TGFBR3: variants seen among roughly 807,000 people sequenced by gnomAD.
TGFBR3 encodes the protein transforming growth factor beta receptor 3.
A neutral mutation model predicts 87.9 loss-of-function variants in TGFBR3; 46 were observed. The ratio of observed to expected loss-of-function variants is 0.52; its 90% CI spans 0.41 to 0.67. The LOEUF is 0.67. Ranked by LOEUF, TGFBR3 falls within the 30% of genes least tolerant of loss-of-function variation. TGFBR3 has a pLI of 0.00. For missense variants in TGFBR3, 866 were observed against 1,041.9 expected, an observed-to-expected ratio of 0.83 and a Z score of 2.32; for synonymous variants, 381 against 391.6, an observed-to-expected ratio of 0.97 and a Z score of 0.32.
At chr1:91,778,033 T>G (rs1674627284) in intron 3 of TGFBR3, among the ~76,000 whole-genome samples, 1 of 152,164 alleles carries the variant, frequency 6.6e-6, no homozygotes, top group South Asian at 2.1e-4. Context: ...GTAGAGCTCT[T>G]TGGAAAATCA....
chr1:91,787,943 G>GGAAAAAAAAAAAAAAAAAT (rs945269870), intron 3 of TGFBR3, among the ~76,000 whole-genome samples: 1 of 133,314 alleles, frequency 7.5e-6, no homozygotes, highest in African/African-American at 3.1e-5. Context: ...GTCTCACGGG[G>GGAAAAAAAAAAAAAAAAAT]AAAAAAAAAA....
At chr1:91,683,919 G>C in intron 16 of TGFBR3, 62 bp from the exon 17 acceptor site, 3 of 1,429,542 alleles carry the variant, frequency 2.1e-6, no homozygotes, top group Non-Finnish European at 2.9e-6. Context: ...GTGCATTCCT[G>C]AAAAGATCAT....
At chr1:91,755,482 C>G (rs1673708631) in intron 4 of TGFBR3, among the ~76,000 whole-genome samples, 1 of 152,162 alleles carries the variant, frequency 6.6e-6, no homozygotes, top group Non-Finnish European at 1.5e-5. Context: ...GCCTGCTGGA[C>G]AACAAAGCAG....
intron 2 of TGFBR3, among the ~76,000 whole-genome samples, chr1:91,835,827 CAAAAAAAAAAAA>C (rs57326419): frequency 3.1e-4 from 23 of 74,774 alleles, no homozygotes; most frequent in South Asian, 1.9e-3. Context: ...GACTCCACCT[CAAAAAAAAAAAA>C]AAAAAAAAAA....
At chr1:91,852,066 T>C (rs765846103) in intron 2 of TGFBR3, among the ~76,000 whole-genome samples, 1 of 152,116 alleles carries the variant, frequency 6.6e-6, no homozygotes, top group Non-Finnish European at 1.5e-5. Flanking sequence ...TTGGAAAACA[T>C]GGCGAAACCT....
In TGFBR3 at chr1:91,687,211, TAGGAGGCTG is replaced by T. The variant is rs1298522669; in HGVS notation, c.2438-3363_2438-3355del. Among the ~76,000 whole-genome samples, 9 of 152,016 alleles carry T rather than the reference TAGGAGGCTG, an allele frequency of 5.9e-5. No homozygotes were observed. The East Asian group carries it at 1.7e-3, about 29-fold the overall frequency. On this transcript the variant is annotated intron_variant, in intron 16 of 16. Coordinates refer to ENST00000212355, the MANE Select transcript of TGFBR3 (RefSeq NM_003243.5). ...GGTGCAGTCACTTACAGTGCCAGCT[TAGGAGGCTG>T]AAGGGGGAGGATCTCCTGAGGCCAG...
intron 4 of TGFBR3, among the ~76,000 whole-genome samples, chr1:91,756,695 A>G (rs1177679488): frequency 1.3e-5 from 2 of 152,230 alleles, no homozygotes; most frequent in Admixed American, 1.3e-4. Flanking sequence ...CAATAAAGTT[A>G]TTGTAATGCC....
At chr1:91,700,619 G>C (rs994726879) in intron 14 of TGFBR3, among the ~76,000 whole-genome samples, 1 of 152,110 alleles carries the variant, frequency 6.6e-6, no homozygotes, top group African/African-American at 2.4e-5. Flanking sequence ...CAATTACTAA[G>C]AAAATAAAAA....
At chr1:91,802,005 G>A (rs1675648486) in intron 2 of TGFBR3, among the ~76,000 whole-genome samples, 1 of 152,194 alleles carries the variant, frequency 6.6e-6, no homozygotes, top group Non-Finnish European at 1.5e-5. Context: ...AAACACCCAG[G>A]CTAAAGGACG....
At position 91,793,805 on chromosome 1, in the gene TGFBR3, CAA is replaced by C. The variant is rs57943201; in HGVS notation, c.246+3480_246+3481del. 1.9e-3 allele frequency among the ~76,000 whole-genome samples: 193 copies of C among 99,036 alleles called. No individual in the cohort carries two copies. The Middle Eastern group carries it at 0.021, about 11-fold the overall frequency. The allele number at this position is 99,036 out of a possible 152,430, so 65.0% of individuals were successfully genotyped here. On this transcript the variant is annotated intron_variant, in intron 3 of 16. Coordinates refer to ENST00000212355, the MANE Select transcript of TGFBR3 (RefSeq NM_003243.5). Reference sequence around the variant, plus strand: ...TGGGTGACACAGCAAGACTCTGTCTCAAAAAAAAAAAAAAAAAAAAAAAATTG... The same window carrying C: ...TGGGTGACACAGCAAGACTCTGTCTCAAAAAAAAAAAAAAAAAAAAAATTG...
At chr1:91,838,764 C>G (rs528904178) in intron 2 of TGFBR3, among the ~76,000 whole-genome samples, 1 of 152,052 alleles carries the variant, frequency 6.6e-6, no homozygotes, top group African/African-American at 2.4e-5. Flanking sequence ...CCACCGCGCC[C>G]GGCCGCAAAT....
chr1:91,820,465 T>C (rs992719783), intron 2 of TGFBR3, among the ~76,000 whole-genome samples: 1 of 151,980 alleles, frequency 6.6e-6, no homozygotes, highest in Non-Finnish European at 1.5e-5. Context: ...GGGCGGATCA[T>C]GAGGTCAGGA....
At chr1:91,856,506 T>A (rs1212296503) in intron 2 of TGFBR3, among the ~76,000 whole-genome samples, 2 of 150,206 alleles carry the variant, frequency 1.3e-5, no homozygotes, top group African/African-American at 4.9e-5. Context: ...CAGACAAACC[T>A]ATGGAGCTGG....
intron 5 of TGFBR3, among the ~76,000 whole-genome samples, chr1:91,732,030 G>A (rs1672793520): frequency 6.6e-6 from 1 of 152,176 alleles, no homozygotes; most frequent in African/African-American, 2.4e-5. Flanking sequence ...AACCACAAAG[G>A]GGAATTCCCG....
At chr1:91,891,271 G>A (rs1332308357) in intron 2 of TGFBR3, among the ~76,000 whole-genome samples, 1 of 151,736 alleles carries the variant, frequency 6.6e-6, no homozygotes, top group Non-Finnish European at 1.5e-5. Context: ...GGAGGCCGAG[G>A]TGAATCACTT....
chr1:91,702,320 C>A (rs1401413369), intron 14 of TGFBR3, among the ~76,000 whole-genome samples: 6 of 152,174 alleles, frequency 3.9e-5, no homozygotes, highest in African/African-American at 1.4e-4. Context: ...CCCAGCAATG[C>A]AACCTTCACA....
At chr1:91,902,147 T>C (rs1679734407) in intron 1 of TGFBR3, among the ~76,000 whole-genome samples, 1 of 152,132 alleles carries the variant, frequency 6.6e-6, no homozygotes, top group African/African-American at 2.4e-5. Context: ...CAAAGACATA[T>C]GTTTAATAAA....
At chr1:91,852,974 G>A (rs914048256) in intron 2 of TGFBR3, among the ~76,000 whole-genome samples, 1 of 151,042 alleles carries the variant, frequency 6.6e-6, no homozygotes, top group Non-Finnish European at 1.5e-5. Context: ...GGGCAACATG[G>A]CGGAACCCCA....
chr1:91,853,785 G>A (rs899675675), intron 2 of TGFBR3, among the ~76,000 whole-genome samples: 4 of 152,148 alleles, frequency 2.6e-5, no homozygotes, highest in African/African-American at 4.8e-5. Flanking sequence ...AGGCCAAGGC[G>A]GGCAGATCAC....
Sources: gnomAD v4.1 joint callset for allele counts (sites outside exome capture counted in the v4.1 genomes callset) on GRCh38, gnomAD v4.1.1 for gene constraint, MANE v1.5 for transcripts, NCBI Gene and HGNC (gene_info 2026-07-23, HGNC 2026-07-21) for gene names.